CDH20: variants seen among roughly 807,000 people sequenced by gnomAD.
CDH20 encodes the protein cadherin-20.
A neutral mutation model predicts 74.2 loss-of-function variants in CDH20; 29 were observed. The observed-to-expected ratio is 0.39, with a 90% CI of 0.29 to 0.53. The LOEUF (loss-of-function observed/expected upper bound fraction) is 0.53, where lower values mean the gene tolerates loss of function less well. CDH20 is among the 20% of genes least tolerant of loss of function. The probability of loss-of-function intolerance (pLI) is 0.69; values close to 1 mark genes in which losing one functional copy is unlikely to be tolerated. For missense variants in CDH20, 988 were observed against 1,048.3 expected (o/e 0.94, Z 0.79); for synonymous variants, 469 against 405.4 (o/e 1.16, Z -1.88).
intron 1 of CDH20, among the ~76,000 whole-genome samples, chr18:61,360,505 A>T (rs73963086): frequency 0.11 from 16,832 of 152,154 alleles, 1,078 homozygotes; most frequent in East Asian, 0.23. Context: ...TTAAGTGTGT[A>T]AAGGAAGAGC....
intron 1 of CDH20, among the ~76,000 whole-genome samples, chr18:61,425,408 A>G (rs955229408): frequency 6.6e-6 from 1 of 152,166 alleles, no homozygotes; most frequent in Non-Finnish European, 1.5e-5. Context: ...GATGTGAGGA[A>G]CGGCTGAGGG....
At chr18:61,368,696 CAAAGTA>C in intron 1 of CDH20, among the ~76,000 whole-genome samples, 1 of 151,782 alleles carries the variant, frequency 6.6e-6, no homozygotes, top group Middle Eastern at 3.4e-3. Context: ...CCAATTGCAT[CAAAGTA>C]AAAGTACACT....
rs766305965 is a variant in CDH20, at chr18:61,398,738, C to T, written c.-153+64911C>T. ...TAGGTTTGCTTTTCCTCTGTCCACT[C>T]CAGGTCACTCTACAGGAATCAATGG... is the stretch of plus-strand genomic sequence containing the variant. On this transcript the variant is annotated intron_variant, in intron 1 of 11. Transcript: ENST00000262717. 2.5e-4 allele frequency among the ~76,000 whole-genome samples: 38 copies of T among 152,146 alleles called. 1 individual carries two copies. The highest frequency in any genetic ancestry group is 3.9e-4 in the East Asian group (2 of 5,186).
At chr18:61,442,570 G>T (rs937694990) in intron 1 of CDH20, among the ~76,000 whole-genome samples, 1 of 152,000 alleles carries the variant, frequency 6.6e-6, no homozygotes, top group African/African-American at 2.4e-5. Context: ...TGGCACAGAA[G>T]AATACAATTA....
At chr18:61,385,917 G>C (rs1182032409) in intron 1 of CDH20, among the ~76,000 whole-genome samples, 5 of 145,534 alleles carry the variant, frequency 3.4e-5, no homozygotes, top group Non-Finnish European at 7.5e-5. Context: ...GCAACAAAGT[G>C]AGACTTTGTC....
chr18:61,469,951 T>C (rs1189655133), intron 1 of CDH20, among the ~76,000 whole-genome samples: 2 of 152,240 alleles, frequency 1.3e-5, no homozygotes, highest in Non-Finnish European at 2.9e-5. Flanking sequence ...GATTTTTAAA[T>C]GAGTTTCTTT....
intron 1 of CDH20, among the ~76,000 whole-genome samples, chr18:61,338,324 A>G (rs1054366429): frequency 1.8e-4 from 27 of 152,086 alleles, no homozygotes; most frequent in African/African-American, 6.5e-4. Context: ...TTTAATTGCT[A>G]TCCATGGTTT....
At chr18:61,360,804 C>T (rs910975578) in intron 1 of CDH20, among the ~76,000 whole-genome samples, 1 of 152,238 alleles carries the variant, frequency 6.6e-6, no homozygotes, top group African/African-American at 2.4e-5. Flanking sequence ...CCAAGGCTGG[C>T]CGCAGACAAA....
chr18:61,554,116 C>G, intron 11 of CDH20, 74 bp from the exon 12 acceptor site: 1 of 1,532,656 alleles, frequency 6.5e-7, no homozygotes. Flanking sequence ...CGTGGTGAAT[C>G]AAGACTACTT....
At chr18:61,443,967 C>T (rs1381729451) in intron 1 of CDH20, among the ~76,000 whole-genome samples, 1 of 152,038 alleles carries the variant, frequency 6.6e-6, no homozygotes, top group Non-Finnish European at 1.5e-5. Flanking sequence ...TCCAGTGACT[C>T]CCAGTGCACA....
At chr18:61,514,208 C>T (rs1911894795) in intron 6 of CDH20, among the ~76,000 whole-genome samples, 1 of 151,116 alleles carries the variant, frequency 6.6e-6, no homozygotes, top group Admixed American at 6.6e-5. Flanking sequence ...TCTTTTTATT[C>T]TTTTTTCTCT....
intron 1 of CDH20, among the ~76,000 whole-genome samples, chr18:61,398,106 C>T (rs773990757): frequency 6.6e-6 from 1 of 152,194 alleles, no homozygotes; most frequent in Non-Finnish European, 1.5e-5. Context: ...TTTGTACCAA[C>T]TAACTACATC....
At chr18:61,503,593 G>A (rs567278380) in intron 5 of CDH20, among the ~76,000 whole-genome samples, 7 of 152,264 alleles carry the variant, frequency 4.6e-5, no homozygotes, top group East Asian at 3.9e-4. Flanking sequence ...CCCATGTGAC[G>A]ATCTTCACCA....
Position 61,549,971 on chromosome 18 carries a change from C to A in CDH20, c.1649-7C>A. ...TTTTCCAATCCTGGAACCCCTCCTT[C>A]TTTCAGATAACACAGCACGGATTCT... On this transcript the variant is annotated splice_region_variant and splice_polypyrimidine_tract_variant and intron_variant, in intron 10 of 11. Coordinates refer to ENST00000262717, the MANE Select transcript of CDH20 (RefSeq NM_031891.4). The A allele has an allele frequency of 6.2e-7, 1 of 1,605,930 alleles. No individual in the cohort carries two copies. Among genetic ancestry groups the A allele is most frequent in the Non-Finnish European group, 8.5e-7 (1 of 1,173,434 alleles).
intron 4 of CDH20, 147 bp from the exon 5 acceptor site, chr18:61,502,806 A>AT (rs1014174041): frequency 2.2e-5 from 13 of 584,544 alleles, no homozygotes; most frequent in African/African-American, 1.1e-4. Flanking sequence ...TGAAGCTGAG[A>AT]TTTTTTTACC....
chr18:61,426,671 A>G (rs1168101037), intron 1 of CDH20, among the ~76,000 whole-genome samples: 1 of 152,206 alleles, frequency 6.6e-6, no homozygotes, highest in East Asian at 1.9e-4. Context: ...TTGTCCCACA[A>G]GGACTGACTT....
chr18:61,528,668 A>C (rs981388278), intron 7 of CDH20, among the ~76,000 whole-genome samples: 1 of 152,168 alleles, frequency 6.6e-6, no homozygotes, highest in Non-Finnish European at 1.5e-5. Context: ...ATGTCCAGGG[A>C]AGTGGTGTAA....
intron 1 of CDH20, among the ~76,000 whole-genome samples, chr18:61,375,892 C>T (rs1379887608): frequency 6.6e-6 from 1 of 151,960 alleles, no homozygotes; most frequent in African/African-American, 2.4e-5. Flanking sequence ...GTTAAGTATC[C>T]AACTGCATTA....
intron 6 of CDH20, among the ~76,000 whole-genome samples, chr18:61,515,081 G>A (rs1285239849): frequency 7.2e-5 from 11 of 152,240 alleles, no homozygotes; most frequent in South Asian, 6.2e-4. Flanking sequence ...GGGCAATGGC[G>A]GGCGCCCCTC....
Sources: allele counts gnomAD v4.1 joint callset (sites outside exome capture counted in the v4.1 genomes callset), GRCh38; gene constraint gnomAD v4.1.1; transcripts MANE v1.5; gene names NCBI Gene and HGNC (gene_info 2026-07-23, HGNC 2026-07-21).